Variants in ATL1 observed in about 807,000 individuals in gnomAD.
ATL1 encodes the protein atlastin-1.
Under a neutral mutation model 75.5 loss-of-function variants are expected in ATL1, and 31 were observed. That is an observed-to-expected ratio of 0.41 (90% CI 0.31 to 0.55). The LOEUF (loss-of-function observed/expected upper bound fraction) is 0.55. Ranked by LOEUF, ATL1 falls within the 20% of genes least tolerant of loss-of-function variation. The probability of loss-of-function intolerance (pLI) is 0.27; values close to 1 mark genes in which losing one functional copy is unlikely to be tolerated. For missense variants in ATL1, 405 were observed against 662.6 expected (o/e 0.61, Z 4.27); for synonymous variants, 226 against 233.3 (o/e 0.97, Z 0.28).
chr14:50,597,526 C>T (rs2039231988), intron 6 of ATL1, among the ~76,000 whole-genome samples: 2 of 152,086 alleles, frequency 1.3e-5, no homozygotes, highest in Admixed American at 6.5e-5. Flanking sequence ...AAGGGACACA[C>T]AGGAAGCTTC....
intron 6 of ATL1, among the ~76,000 whole-genome samples, chr14:50,604,352 CCT>C: frequency 6.6e-6 from 1 of 151,896 alleles, no homozygotes; most frequent in Non-Finnish European, 1.5e-5. Context: ...GTGCCTATCC[CCT>C]CTCATTAATT....
At chr14:50,605,056 A>G (rs976840381) in intron 6 of ATL1, among the ~76,000 whole-genome samples, 1 of 151,910 alleles carries the variant, frequency 6.6e-6, no homozygotes, top group African/African-American at 2.4e-5. Context: ...CTTATCATGG[A>G]TTTTCTTTTT....
intron 1 of ATL1, among the ~76,000 whole-genome samples, chr14:50,566,969 C>A (rs1489553650): frequency 6.6e-6 from 1 of 151,896 alleles, no homozygotes; most frequent in African/African-American, 2.4e-5. Context: ...TGGTAAAATA[C>A]ACATAACATA....
intron 1 of ATL1, among the ~76,000 whole-genome samples, chr14:50,568,105 C>A (rs933064309): frequency 6.6e-6 from 1 of 152,208 alleles, no homozygotes; most frequent in Non-Finnish European, 1.5e-5. Context: ...AAGTCTCCAA[C>A]TGTTAGTATA....
At position 50,620,730 on chromosome 14, in the gene ATL1, T is replaced by A. The variant is rs372029461; in HGVS notation, c.990+4T>A. 1.2e-4 allele frequency: 191 copies of A among 1,612,956 alleles called. No individual in the cohort carries two copies. Among genetic ancestry groups the A allele is most frequent in the Middle Eastern group, 4.9e-4 (3 of 6,076 alleles). ...GGGTCTGGTGGAGTACTTCAAGGTA[T>A]CACTCTCATTTCTAGAGCATTCGTG... is the stretch of plus-strand genomic sequence containing the variant. On this transcript the variant is annotated splice_donor_region_variant and intron_variant, in intron 9 of 13. Coordinates refer to ENST00000358385, the MANE Select transcript of ATL1 (RefSeq NM_015915.5).
At chr14:50,605,757 A>AT (rs1387796258) in intron 6 of ATL1, among the ~76,000 whole-genome samples, 1 of 152,050 alleles carries the variant, frequency 6.6e-6, no homozygotes, top group African/African-American at 2.4e-5. Flanking sequence ...GTTTTTAACC[A>AT]TTTTTTCCCA....
In ATL1 at chr14:50,565,286, T is replaced by C. The variant is rs188098529; in HGVS notation, c.34+4987T>C. ...GCCTGGGCCACAGAGTGAGACTCCA[T>C]CTCAAAATAAATAAATAAATAAAAA... is the stretch of plus-strand genomic sequence containing the variant. On this transcript the variant is annotated intron_variant, in intron 1 of 13. Transcript: ENST00000358385. Among the ~76,000 whole-genome samples, 7 of 151,676 alleles carry C rather than the reference T, an allele frequency of 4.6e-5. No homozygotes were observed. The East Asian group carries it at 1.4e-3, about 29-fold the overall frequency.
At chr14:50,573,139 A>T (rs2038969747) in intron 1 of ATL1, among the ~76,000 whole-genome samples, 1 of 152,198 alleles carries the variant, frequency 6.6e-6, no homozygotes, top group African/African-American at 2.4e-5. Flanking sequence ...TGGAAATTAC[A>T]ATTCGGATTA....
intron 1 of ATL1, among the ~76,000 whole-genome samples, chr14:50,586,378 C>T (rs1028097254): frequency 1.3e-5 from 2 of 152,120 alleles, no homozygotes; most frequent in Admixed American, 1.3e-4. Context: ...CCTCCTGGTT[C>T]ATAGACTGCT....
intron 1 of ATL1, among the ~76,000 whole-genome samples, chr14:50,543,634 T>A (rs1392740507): frequency 2.0e-5 from 3 of 152,182 alleles, no homozygotes; most frequent in Non-Finnish European, 4.4e-5. Flanking sequence ...GAAGGATCAA[T>A]CGTGGTGCTG....
rs375319089 is a variant in ATL1 at position 50,595,570 on chromosome 14, T to C, written c.574-6T>C. 11 of 1,613,640 alleles carry C rather than the reference T, an allele frequency of 6.8e-6. 1 individual carries two copies. In the African/African-American group the frequency reaches 1.3e-4, roughly 20 times the overall value. ...TGTATGTGTGTGTGTGTAATTTTTT[T>C]TCTAGCTTTTCACTGAGTATGGCAG... is the stretch of plus-strand genomic sequence containing the variant. On this transcript the variant is annotated splice_polypyrimidine_tract_variant and splice_region_variant and intron_variant, in intron 5 of 13. Coordinates refer to ENST00000358385, the MANE Select transcript of ATL1 (RefSeq NM_015915.5).
At chr14:50,598,616 GCCT>G (rs1407056641) in intron 6 of ATL1, among the ~76,000 whole-genome samples, 2 of 152,108 alleles carry the variant, frequency 1.3e-5, no homozygotes, top group African/African-American at 4.8e-5. Flanking sequence ...GCCCGCCTCG[GCCT>G]CCGAAAGTGC....
intron 8 of ATL1, among the ~76,000 whole-genome samples, chr14:50,619,928 A>G (rs1003456385): frequency 1.3e-5 from 2 of 152,168 alleles, no homozygotes; most frequent in African/African-American, 2.4e-5. Context: ...CCCATTTATG[A>G]GCCTATATAT....
intron 1 of ATL1, among the ~76,000 whole-genome samples, chr14:50,534,704 A>G (rs528087099): frequency 3.3e-5 from 5 of 152,344 alleles, no homozygotes; most frequent in African/African-American, 1.2e-4. Context: ...TCGAGACTCT[A>G]TGTGTCTGCT....
intron 1 of ATL1, among the ~76,000 whole-genome samples, chr14:50,576,237 G>T (rs1297600696): frequency 2.0e-5 from 3 of 152,170 alleles, no homozygotes; most frequent in Admixed American, 1.3e-4. Context: ...TTAAGGTGGG[G>T]TAGATTAAGC....
intron 1 of ATL1, among the ~76,000 whole-genome samples, chr14:50,578,020 A>T (rs2039022375): frequency 6.6e-6 from 1 of 152,184 alleles, no homozygotes; most frequent in African/African-American, 2.4e-5. Flanking sequence ...TGTAAGTGAC[A>T]TACAAACTAA....
In ATL1 at chr14:50,621,879, C is replaced by T; in HGVS notation, c.1027C>T (p.His343Tyr). 1 of 1,599,452 alleles carries T rather than the reference C, an allele frequency of 6.3e-7. No homozygotes were observed. Among genetic ancestry groups the T allele is most frequent in the Non-Finnish European group, 8.6e-7 (1 of 1,167,552 alleles). The change falls in exon 10 of 14, where the codon CAT becomes TAT. Residue 343 changes from histidine (H) to tyrosine (Y), a missense_variant. By Grantham distance (83) the His-to-Tyr change is moderately conservative (BLOSUM62 2). Transcript: ENST00000358385. ...GATCTATCAAGGTGAAGAATTACCA[C>T]ATCCCAAATCCATGTTACAGGTATT... Reference protein sequence around the residue: ...IKIYQGEELPHPKSMLQATAE... With the variant: ...IKIYQGEELPYPKSMLQATAE...
intron 2 of ATL1, among the ~76,000 whole-genome samples, chr14:50,589,966 G>T (rs1275718798): frequency 6.6e-6 from 1 of 152,062 alleles, no homozygotes; most frequent in African/African-American, 2.4e-5. Context: ...TCAAAATGGG[G>T]GTAACTACTA....
chr14:50,610,585 A>G (rs754855091), intron 6 of ATL1, among the ~76,000 whole-genome samples: 20 of 152,140 alleles, frequency 1.3e-4, no homozygotes, highest in Non-Finnish European at 2.4e-4. Flanking sequence ...AGTGAATCCA[A>G]TTAAATATAA....
Sources: allele counts gnomAD v4.1 joint callset (sites outside exome capture counted in the v4.1 genomes callset), GRCh38; gene constraint gnomAD v4.1.1; transcripts MANE v1.5; gene names NCBI Gene and HGNC (gene_info 2026-07-23, HGNC 2026-07-21).